The following FSD2 variants were observed in gnomAD, a reference collection of about 807,000 sequenced individuals.
FSD2 encodes fibronectin type III and SPRY domain-containing protein 2.
Under a neutral mutation model 80.4 loss-of-function variants are expected in FSD2, and 71 were observed. The observed-to-expected ratio is 0.88, with a 90% CI of 0.73 to 1.08. The LOEUF (loss-of-function observed/expected upper bound fraction) is 1.08, where lower values mean the gene tolerates loss of function less well. Among genes scored for constraint, FSD2 ranks in the 50% least tolerant of loss-of-function variants. The probability of loss-of-function intolerance (pLI) is 0.00; values close to 1 mark genes in which losing one functional copy is unlikely to be tolerated. For missense variants in FSD2, 923 were observed against 913.8 expected, an observed-to-expected ratio of 1.01 and a Z score of -0.13; for synonymous variants, 361 against 329.5, an observed-to-expected ratio of 1.10 and a Z score of -1.03.
At chr15:82,798,425 A>C (rs2050329713) in intron 1 of FSD2, among the ~76,000 whole-genome samples, 1 of 152,188 alleles carries the variant, frequency 6.6e-6, no homozygotes, top group African/African-American at 2.4e-5. Context: ...TAAATTCCCC[A>C]AATTGTGCAG....
In FSD2 at chr15:82,759,090, A is replaced by G; in HGVS notation, c.*258T>C. On this transcript the variant is annotated 3_prime_UTR_variant, in exon 13 of 13. Transcript: ENST00000334574. Reference sequence around the variant, plus strand: ...CGAATATAGTTTGACAGCTTCAAAGACTTTTGAGTTCGTTTAGTCTGAGCC... The same window carrying G: ...CGAATATAGTTTGACAGCTTCAAAGGCTTTTGAGTTCGTTTAGTCTGAGCC... 1 of 437,882 alleles carries G rather than the reference A, an allele frequency of 2.3e-6. No individual in the cohort carries two copies. The highest frequency in any genetic ancestry group is 4.0e-5 in the East Asian group (1 of 25,234). 27.1% of individuals were successfully genotyped at this position (437,882 alleles called of 1,614,324 possible).
chr15:82,798,342 C>T (rs966784750), intron 1 of FSD2, among the ~76,000 whole-genome samples: 2 of 151,968 alleles, frequency 1.3e-5, no homozygotes, highest in East Asian at 1.9e-4. Flanking sequence ...AAGACCCTGT[C>T]AGAAGATAGA....
intron 4 of FSD2, among the ~76,000 whole-genome samples, chr15:82,780,916 G>A: frequency 6.6e-6 from 1 of 151,908 alleles, no homozygotes; most frequent in East Asian, 1.9e-4. Flanking sequence ...TGTGCCTGTG[G>A]TCCTAGCTCC....
chr15:82,800,410 G>A (rs572002270), intron 1 of FSD2, among the ~76,000 whole-genome samples: 3 of 146,242 alleles, frequency 2.1e-5, no homozygotes, highest in East Asian at 2.1e-4. Flanking sequence ...CCCCTCAGTC[G>A]GCCCCACACA....
rs541070001 is a variant in FSD2 at position 82,772,180 on chromosome 15, C to A, written c.1160G>T (p.Gly387Val). Residue 387 changes from glycine to valine, a missense_variant, in exon 7 of 13, where the codon GGT (glycine) becomes GTT (valine). Gly to Val is a moderately radical substitution (Grantham distance 109). Coordinates refer to ENST00000334574, the MANE Select transcript of FSD2 (RefSeq NM_001007122.4). ...GCTCCAGCACACTCGGACTGAGGAA[C>A]CTGTGGCTGAGTTAGGGACCTGTGG... ...INPQVPNSAT[G>V]SSVRVCWSLY... 16 of 1,612,654 alleles carry A rather than the reference C, an allele frequency of 9.9e-6. No homozygotes were observed. The Admixed American group carries it at 2.3e-4, about 24-fold the overall frequency.
chr15:82,801,395 G>A (rs1038360675), intron 1 of FSD2, among the ~76,000 whole-genome samples: 3 of 152,170 alleles, frequency 2.0e-5, no homozygotes, highest in Non-Finnish European at 4.4e-5. Flanking sequence ...CTTTCTGACA[G>A]CAAGACAAAA....
intron 4 of FSD2, among the ~76,000 whole-genome samples, chr15:82,781,222 A>G (rs954218060): frequency 6.6e-6 from 1 of 152,158 alleles, no homozygotes; most frequent in Non-Finnish European, 1.5e-5. Context: ...GCTTTTCACC[A>G]TCATACATAA....
rs375145207 is a variant in FSD2, at chr15:82,794,264, A to T, written c.-78-6796T>A. On this transcript the variant is annotated intron_variant, in intron 1 of 12. Transcript: ENST00000334574. Reference sequence around the variant, plus strand: ...TGGTTATTGAGGAGTGTGTTGTTTAATTTCCATATATTTGTGAGTTTTCCA... The same window carrying T: ...TGGTTATTGAGGAGTGTGTTGTTTATTTTCCATATATTTGTGAGTTTTCCA... Among the ~76,000 whole-genome samples, 16 of 151,926 alleles carry T rather than the reference A, an allele frequency of 1.1e-4. No homozygotes were observed. The East Asian group carries it at 3.1e-3, about 29-fold the overall frequency.
At chr15:82,797,179 G>C (rs938215586) in intron 1 of FSD2, among the ~76,000 whole-genome samples, 3 of 152,162 alleles carry the variant, frequency 2.0e-5, no homozygotes, top group Admixed American at 6.5e-5. Context: ...CAATAAAGTT[G>C]AAGGAGGATC....
chr15:82,768,489 T>C (rs922342202), intron 9 of FSD2, among the ~76,000 whole-genome samples: 2 of 152,250 alleles, frequency 1.3e-5, no homozygotes, highest in Non-Finnish European at 2.9e-5. Flanking sequence ...TTGCCTTTTG[T>C]CTATTTTCCC....
At chr15:82,759,714 T>A in intron 12 of FSD2, 114 bp from the exon 13 acceptor site, 1 of 814,888 alleles carries the variant, frequency 1.2e-6, no homozygotes, top group Non-Finnish European at 1.9e-6. Flanking sequence ...TTTCTAGTAT[T>A]AAATGACTAC....
At chr15:82,780,719 A>G (rs2151511115) in intron 4 of FSD2, among the ~76,000 whole-genome samples, 1 of 151,716 alleles carries the variant, frequency 6.6e-6, no homozygotes, top group East Asian at 1.9e-4. Context: ...GTCACATCAT[A>G]TATATAAGAT....
chr15:82,777,163 G>A (rs1473474267), intron 6 of FSD2, among the ~76,000 whole-genome samples: 1 of 152,126 alleles, frequency 6.6e-6, no homozygotes, highest in Non-Finnish European at 1.5e-5. Flanking sequence ...ATTGGTCTTG[G>A]CAATGATTTC....
intron 3 of FSD2, among the ~76,000 whole-genome samples, chr15:82,785,370 G>A (rs1308659903): frequency 6.6e-6 from 1 of 151,762 alleles, no homozygotes; most frequent in Admixed American, 6.6e-5. Context: ...TGTTGCCCAG[G>A]TTGGAGTGCA....
Position 82,759,354 on chromosome 15 carries a change from G to C in FSD2, c.2244C>G (p.Phe748Leu), listed in dbSNP as rs756812579. Residue 748 changes from phenylalanine to leucine, a missense_variant, in exon 13 of 13, where the codon TTC becomes TTG. Coordinates refer to ENST00000334574, the MANE Select transcript of FSD2 (RefSeq NM_001007122.4). ...AACTGGACATCAGAATGTTCTAATA[G>C]AAAGTGACATGTTTTGGCATTGAAA... ...NGISMPKHVT[F>L]Y The C allele has an allele frequency of 1.9e-6, 3 of 1,612,886 alleles. No homozygotes were observed. The Admixed American group carries it at 5.0e-5, about 27-fold the overall frequency.
At chr15:82,792,932 C>G (rs527599178) in intron 1 of FSD2, among the ~76,000 whole-genome samples, 1 of 152,108 alleles carries the variant, frequency 6.6e-6, no homozygotes, top group South Asian at 2.1e-4. Context: ...GTTTTGGTAT[C>G]AGGGTAATAT....
rs182205240 is a variant in FSD2, at chr15:82,755,629, A to T, written c.*3719T>A. On this transcript the variant is annotated 3_prime_UTR_variant, in exon 13 of 13. Coordinates refer to ENST00000334574, the MANE Select transcript of FSD2 (RefSeq NM_001007122.4). The stretch of plus-strand genomic sequence containing the variant: ...ACAAGCAGTAAAGTAGTCAGACATG[A>T]TATACTTGACAAGAACCACCACCTG... 6.6e-6 allele frequency: 1 copy of T among 151,192 alleles called. No homozygotes were observed. The highest frequency in any genetic ancestry group is 2.4e-5 in the African/African-American group (1 of 41,060). 9.4% of individuals were successfully genotyped at this position (151,192 alleles called of 1,614,324 possible).
intron 1 of FSD2, 83 bp from the exon 2 acceptor site, chr15:82,787,551 A>T (rs2050033009): frequency 1.7e-6 from 1 of 602,614 alleles, no homozygotes; most frequent in Non-Finnish European, 2.7e-6. Context: ...CTACTCATAT[A>T]AAACTTTAAA....
At chr15:82,773,171 A>G (rs1318557552) in intron 6 of FSD2, among the ~76,000 whole-genome samples, 2 of 152,102 alleles carry the variant, frequency 1.3e-5, no homozygotes, top group African/African-American at 4.8e-5. Context: ...TCCTTCTCCC[A>G]TGGCAGCATC....
Sources: allele counts gnomAD v4.1 joint callset (sites outside exome capture counted in the v4.1 genomes callset), GRCh38; gene constraint gnomAD v4.1.1; transcripts MANE v1.5; gene names NCBI Gene and HGNC (gene_info 2026-07-23, HGNC 2026-07-21).